The following GPHN variants were observed in gnomAD, a reference collection of about 807,000 sequenced individuals.
The protein encoded by GPHN is gephyrin.
A neutral mutation model predicts 95.5 loss-of-function variants in GPHN; 17 were observed. The observed-to-expected ratio is 0.18, with a 90% CI of 0.12 to 0.27. GPHN has a LOEUF of 0.27. Among genes scored for constraint, GPHN ranks in the 10% least tolerant of loss-of-function variants. The pLI, the probability that GPHN is intolerant of heterozygous loss-of-function variation, is 1.00. For synonymous variants in GPHN, 320 were observed against 322.5 expected (o/e 0.99, Z 0.08); for missense variants, 660 against 978.1 (o/e 0.67, Z 4.34).
At chr14:67,366,756 A>G in the GPHN span, among the ~76,000 whole-genome samples, 2 of 152,148 alleles carry the variant, frequency 1.3e-5, no homozygotes, top group African/African-American at 4.8e-5. Context: ...ACAAGTATGA[A>G]AAATAACTAC....
chr14:67,084,239 A>T (rs1472467068), intron 11 of GPHN, among the ~76,000 whole-genome samples: 1 of 152,210 alleles, frequency 6.6e-6, no homozygotes, highest in Non-Finnish European at 1.5e-5. Context: ...TTCCAAAAAG[A>T]CAAATCTCAT....
intron 4 of GPHN, among the ~76,000 whole-genome samples, chr14:66,849,256 A>G (rs574439118): frequency 1.4e-4 from 21 of 152,052 alleles, no homozygotes; most frequent in African/African-American, 4.6e-4. Flanking sequence ...AAAAATTGGG[A>G]TTTGTCAATC....
At chr14:67,620,505 A>T in the GPHN span, among the ~76,000 whole-genome samples, 1 of 152,162 alleles carries the variant, frequency 6.6e-6, no homozygotes, top group East Asian at 1.9e-4. Flanking sequence ...AGTCTTCTGG[A>T]TCCATTCACT....
At chr14:67,530,183 GAATA>G in the GPHN span, among the ~76,000 whole-genome samples, 1 of 152,292 alleles carries the variant, frequency 6.6e-6, no homozygotes, top group Non-Finnish European at 1.5e-5. Context: ...TTTGTTCAAA[GAATA>G]AATAACAAAA....
chr14:66,729,151 T>G (rs1475220370), intron 2 of GPHN, among the ~76,000 whole-genome samples: 2 of 152,200 alleles, frequency 1.3e-5, no homozygotes, highest in Admixed American at 1.3e-4. Context: ...ACCATGATTG[T>G]GAGGCCTCCC....
At chr14:66,599,796 C>G (rs2062148867) in intron 1 of GPHN, among the ~76,000 whole-genome samples, 1 of 151,774 alleles carries the variant, frequency 6.6e-6, no homozygotes, top group African/African-American at 2.4e-5. Context: ...TAGTAAGTTG[C>G]TGGCTAATTG....
At chr14:67,262,631 GT>G in the GPHN span, among the ~76,000 whole-genome samples, 1 of 152,164 alleles carries the variant, frequency 6.6e-6, no homozygotes, top group Admixed American at 6.5e-5. Context: ...GTCAACTCTG[GT>G]TACAGTATAG....
the GPHN span, among the ~76,000 whole-genome samples, chr14:67,415,943 C>A: frequency 6.6e-6 from 1 of 152,096 alleles, no homozygotes; most frequent in South Asian, 2.1e-4. Flanking sequence ...CACATGGACA[C>A]AGGGAGGGGA....
chr14:67,364,913 G>C, the GPHN span: 1 of 1,614,066 alleles, frequency 6.2e-7, no homozygotes, highest in Non-Finnish European at 8.5e-7. Context: ...ATTCTTCTTA[G>C]TGAATTATCC....
At chr14:67,148,522 A>G (rs1454432510) in intron 18 of GPHN, among the ~76,000 whole-genome samples, 1 of 151,846 alleles carries the variant, frequency 6.6e-6, no homozygotes, top group Non-Finnish European at 1.5e-5. Flanking sequence ...CTGCAAGGTC[A>G]ACACTATTTT....
Position 66,566,718 on chromosome 14 carries a change from T to C in GPHN, c.64+58127T>C, listed in dbSNP as rs141414625. On this transcript the variant is annotated intron_variant, in intron 1 of 22. Transcript: ENST00000478722. ...CTGGAGGAATTGTTTTGCATTTTAG[T>C]GGCTTAAGAGTGTTTATTTACACCT... 2.0e-5 allele frequency among the ~76,000 whole-genome samples: 3 copies of C among 152,304 alleles called. No homozygotes were observed. The East Asian group carries it at 5.8e-4, about 29-fold the overall frequency.
the GPHN span, chr14:67,340,032 CAA>C: frequency 1.6e-3 from 118 of 71,746 alleles, no homozygotes; most frequent in South Asian, 4.2e-3. Flanking sequence ...CTCTGTCTCA[CAA>C]AAAAAAAAAA....
At chr14:67,423,155 G>A in the GPHN span, among the ~76,000 whole-genome samples, 2 of 151,918 alleles carry the variant, frequency 1.3e-5, no homozygotes, top group Non-Finnish European at 2.9e-5. Context: ...TTTCTGCCCT[G>A]TCATCATCAG....
intron 10 of GPHN, among the ~76,000 whole-genome samples, chr14:67,046,209 G>T (rs1000124802): frequency 3.3e-5 from 5 of 151,876 alleles, no homozygotes; most frequent in Non-Finnish European, 7.4e-5. Context: ...ATTTGTATCA[G>T]ATTTAGCCAA....
At chr14:67,301,952 C>A in the GPHN span, 1 of 1,580,660 alleles carries the variant, frequency 6.3e-7, no homozygotes, top group South Asian at 1.2e-5. Context: ...CTTAAAATGC[C>A]ATGGATTTCT....
intron 4 of GPHN, among the ~76,000 whole-genome samples, chr14:66,829,089 T>A (rs1449560447): frequency 7.0e-6 from 1 of 142,678 alleles, no homozygotes; most frequent in Non-Finnish European, 1.5e-5. Context: ...TGCCTTTTTT[T>A]TTTTTTTTTT....
intron 1 of GPHN, among the ~76,000 whole-genome samples, chr14:66,566,151 C>T (rs370062679): frequency 1.3e-5 from 2 of 151,640 alleles, no homozygotes; most frequent in South Asian, 4.2e-4. Context: ...CTACTATTAC[C>T]TTTTATATTA....
the GPHN span, among the ~76,000 whole-genome samples, chr14:67,424,167 G>A: frequency 6.6e-6 from 1 of 152,226 alleles, no homozygotes; most frequent in Non-Finnish European, 1.5e-5. Flanking sequence ...TTGAACCCGG[G>A]AGACGGAGTT....
chr14:67,451,306 A>C, the GPHN span, among the ~76,000 whole-genome samples: 1 of 152,218 alleles, frequency 6.6e-6, no homozygotes. Context: ...CTACTGGGGT[A>C]TCTCCTAGTG....
Sources: gnomAD v4.1 joint callset for allele counts (sites outside exome capture counted in the v4.1 genomes callset) on GRCh38, gnomAD v4.1.1 for gene constraint, MANE v1.5 for transcripts, NCBI Gene and HGNC (gene_info 2026-07-23, HGNC 2026-07-21) for gene names.